OR5J2: variants seen among roughly 807,000 people sequenced by gnomAD.
The protein encoded by OR5J2 is olfactory receptor family 5 subfamily J member 2, also known as olfactory receptor 5J2.
OR5J2 carries 4 observed loss-of-function variants against 6.7 expected under a neutral mutation model. The observed-to-expected ratio is 0.60, with a 90% CI of 0.29 to 1.37. The LOEUF is 1.37. OR5J2 is among the 40% of genes most tolerant of loss of function. OR5J2 has a pLI of 0.09. For missense variants in OR5J2, 415 were observed against 366.4 expected (o/e 1.13, Z -1.08); for synonymous variants, 174 against 140.4 (o/e 1.24, Z -1.69).
In OR5J2 at chr11:56,177,034, A is replaced by C. The variant is rs1852544749; in HGVS notation, c.417A>C (p.Arg139Ser). 6.2e-7 allele frequency: 1 copy of C among 1,613,980 alleles called. No homozygotes were observed. The change falls in exon 1 of 1, where the codon AGA becomes AGC. Residue 139 changes from arginine (R) to serine (S), a missense_variant. Transcript: ENST00000312298. ...TTTACACTGTAGCCATGTCTGATAGAAAGTGTGTGGAGCTTGTCACAGGAT... is the reference window on the plus strand; with the variant it reads ...TTTACACTGTAGCCATGTCTGATAGCAAGTGTGTGGAGCTTGTCACAGGAT... The part of the protein sequence containing the change: ...PLLYTVAMSD[R>S]KCVELVTGSW...
chr11:56,176,913 T>G lies in OR5J2; in HGVS notation c.296T>G (p.Val99Gly). ...KATISFSACM[V>G]QHLCFGVFIT... is the part of the protein sequence containing the mutation. ...ACAATTTCTTTCTCTGCTTGCATGG[T>G]ACAGCATTTGTGTTTCGGAGTGTTC... Residue 99 changes from valine to glycine, a missense_variant, in exon 1 of 1, where the codon GTA becomes GGA. By Grantham distance (109) the Val-to-Gly change is moderately radical. Coordinates refer to ENST00000312298, the MANE Select transcript of OR5J2 (RefSeq NM_001005492.1). The G allele has an allele frequency of 6.2e-7, 1 of 1,614,160 alleles. No homozygotes were observed.
At position 56,177,014 on chromosome 11, in the gene OR5J2, A is replaced by G; in HGVS notation, c.397A>G (p.Thr133Ala). The change falls in exon 1 of 1, where the codon ACT (threonine) becomes GCT (alanine). Residue 133 changes from threonine to alanine, a missense_variant. Physicochemically the swap from Thr to Ala is moderately conservative, Grantham distance 58. Transcript: ENST00000312298. ...GGCCATTGTGAGTCCCTTGCTTTAC[A>G]CTGTAGCCATGTCTGATAGAAAGTG... is the stretch of plus-strand genomic sequence containing the variant. Reference protein sequence around the residue: ...YVAIVSPLLYTVAMSDRKCVE... With the variant: ...YVAIVSPLLYAVAMSDRKCVE... 6.2e-7 allele frequency: 1 copy of G among 1,614,036 alleles called. No individual in the cohort carries two copies.
In OR5J2 at chr11:56,177,450, A is replaced by G. The variant is rs370730952; in HGVS notation, c.833A>G (p.Tyr278Cys). The change falls in exon 1 of 1, where the codon TAT becomes TGT. Residue 278 changes from tyrosine (Y) to cysteine (C), a missense_variant. Coordinates refer to ENST00000312298, the MANE Select transcript of OR5J2 (RefSeq NM_001005492.1). ...CAAGAGAAAGTGGTTTCTATGTTCT[A>G]TACGCTAGGGATTCCCATGTTAAAC... ...VEQEKVVSMFYTLGIPMLNLL... is the reference protein window; with the variant it reads ...VEQEKVVSMFCTLGIPMLNLL... The G allele has an allele frequency of 1.4e-5, 22 of 1,613,762 alleles. No homozygotes were observed. Among genetic ancestry groups the G allele is most frequent in the Non-Finnish European group, 1.7e-5 (20 of 1,179,894 alleles).
Position 56,177,306 on chromosome 11 carries a change from C to T in OR5J2, c.689C>T (p.Ser230Leu). The change falls in exon 1 of 1, where the codon TCA becomes TTA. Residue 230 changes from serine (S) to leucine (L), a missense_variant. Coordinates refer to ENST00000312298, the MANE Select transcript of OR5J2 (RefSeq NM_001005492.1). ...GCTTTTGCTAGCCTAAGGATCCACT[C>T]AGCATCAGGCAGACAGCAAGCCTTC... is the stretch of plus-strand genomic sequence containing the variant. ...FIAFASLRIH[S>L]ASGRQQAFST... The T allele has an allele frequency of 6.2e-7, 1 of 1,613,934 alleles. No homozygotes were observed. The highest frequency in any genetic ancestry group is 8.5e-7 in the Non-Finnish European group (1 of 1,179,876).
In OR5J2 at chr11:56,177,464, C is replaced by T. The variant is rs1852555145; in HGVS notation, c.847C>T (p.Pro283Ser). 6.2e-7 allele frequency: 1 copy of T among 1,613,358 alleles called. No individual in the cohort carries two copies. The highest frequency in any genetic ancestry group is 1.7e-5 in the Admixed American group (1 of 59,974). Reference sequence around the variant, plus strand: ...TTCTATGTTCTATACGCTAGGGATTCCCATGTTAAACCTGTTGATACACAG... The same window carrying T: ...TTCTATGTTCTATACGCTAGGGATTTCCATGTTAAACCTGTTGATACACAG... The part of the protein sequence containing the change: ...VVSMFYTLGI[P>S]MLNLLIHSLR... Residue 283 changes from proline (P) to serine (S), a missense_variant, in exon 1 of 1, where the codon CCC (proline) becomes TCC (serine). Coordinates refer to ENST00000312298, the MANE Select transcript of OR5J2 (RefSeq NM_001005492.1).
Position 56,177,540 on chromosome 11 carries a change from A to G in OR5J2, c.923A>G (p.Lys308Arg), listed in dbSNP as rs1199576999. 2.5e-6 allele frequency: 4 copies of G among 1,592,502 alleles called. No individual in the cohort carries two copies. The African/African-American group carries it at 5.4e-5, about 21-fold the overall frequency. ...KEAVKRAIEM[K>R]HFLC The stretch of plus-strand genomic sequence containing the variant: ...GCAGTGAAAAGGGCCATAGAAATGA[A>G]ACATTTCCTCTGTTAATTTCAAGTC... Residue 308 changes from lysine (K) to arginine (R), a missense_variant, in exon 1 of 1, where the codon AAA (lysine) becomes AGA (arginine). Coordinates refer to ENST00000312298, the MANE Select transcript of OR5J2 (RefSeq NM_001005492.1).
Position 56,177,224 on chromosome 11 carries a change from T to A in OR5J2, c.607T>A (p.Ser203Thr). The stretch of plus-strand genomic sequence containing the variant: ...GAATGAGTTGTTGCTGTTAACCTTC[T>A]CCGGAGTCATTGCCATGGCCACCTT... ...SMNELLLLTF[S>T]GVIAMATFLT... The change falls in exon 1 of 1, where the codon TCC (serine) becomes ACC (threonine). Residue 203 changes from serine (S) to threonine (T), a missense_variant. Transcript: ENST00000312298. 1 of 1,613,998 alleles carries A rather than the reference T, an allele frequency of 6.2e-7. No homozygotes were observed. Among genetic ancestry groups the A allele is most frequent in the Non-Finnish European group, 8.5e-7 (1 of 1,179,902 alleles).
Position 56,177,255 on chromosome 11 carries a change from CTG to C in OR5J2, c.641_642del (p.Val214AspfsTer11). The stretch of plus-strand genomic sequence containing the variant: ...GTCATTGCCATGGCCACCTTCTTGA[CTG>C]TGATCATTTCCTACATCTTCATTGC... On this transcript the variant is annotated frameshift_variant, in exon 1 of 1. Coordinates refer to ENST00000312298, the MANE Select transcript of OR5J2 (RefSeq NM_001005492.1). LOFTEE classifies it high-confidence loss of function. 2 of 1,614,090 alleles carry C rather than the reference CTG, an allele frequency of 1.2e-6. No homozygotes were observed.
Position 56,176,950 on chromosome 11 carries a change from A to G in OR5J2, c.333A>G (p.Glu111=), listed in dbSNP as rs764988902. ...HLCFGVFITT[E]GFLLSVMAYD... ...GTTTCGGAGTGTTCATCACCACAGA[A>G]GGCTTCTTACTGTCAGTGATGGCCT... is the stretch of plus-strand genomic sequence containing the variant. The change falls in exon 1 of 1, where the codon GAA becomes GAG. Residue 111 remains glutamate (E), a synonymous_variant. Coordinates refer to ENST00000312298, the MANE Select transcript of OR5J2 (RefSeq NM_001005492.1). 1.9e-6 allele frequency: 3 copies of G among 1,614,074 alleles called. No individual in the cohort carries two copies. Among genetic ancestry groups the G allele is most frequent in the Non-Finnish European group, 2.5e-6 (3 of 1,179,958 alleles).
In OR5J2 at chr11:56,177,535, A is replaced by C; in HGVS notation, c.918A>C (p.Glu306Asp). The change falls in exon 1 of 1, where the codon GAA (glutamate) becomes GAC (aspartate). Residue 306 changes from glutamate (E) to aspartate (D), a missense_variant. Physicochemically the swap from Glu to Asp is conservative, Grantham distance 45 (BLOSUM62 2). Coordinates refer to ENST00000312298, the MANE Select transcript of OR5J2 (RefSeq NM_001005492.1). ...DVKEAVKRAI[E>D]MKHFLC The stretch of plus-strand genomic sequence containing the variant: ...AGGAGGCAGTGAAAAGGGCCATAGA[A>C]ATGAAACATTTCCTCTGTTAATTTC... 1 of 1,597,228 alleles carries C rather than the reference A, an allele frequency of 6.3e-7. No individual in the cohort carries two copies. The highest frequency in any genetic ancestry group is 8.5e-7 in the Non-Finnish European group (1 of 1,175,578).
rs1192686738 is a variant in OR5J2, at chr11:56,176,848, T to G, written c.231T>G (p.Ile77Met). The G allele has an allele frequency of 5.6e-6, 9 of 1,614,090 alleles. No individual in the cohort carries two copies. Among genetic ancestry groups the G allele is most frequent in the Non-Finnish European group, 7.6e-6 (9 of 1,179,946 alleles). The change falls in exon 1 of 1, where the codon ATT becomes ATG. Residue 77 changes from isoleucine (I) to methionine (M), a missense_variant. Transcript: ENST00000312298. ...SFVDACYSSA[I>M]APKMLVNLLV... is the part of the protein sequence containing the mutation. Reference sequence around the variant, plus strand: ...TGGATGCCTGCTATTCATCTGCAATTGCACCCAAAATGCTGGTGAACCTCC... The same window carrying G: ...TGGATGCCTGCTATTCATCTGCAATGGCACCCAAAATGCTGGTGAACCTCC...
In OR5J2 at chr11:56,177,281, G is replaced by A. The variant is rs1288418443; in HGVS notation, c.664G>A (p.Ala222Thr). ...TGTGATCATTTCCTACATCTTCATT[G>A]CTTTTGCTAGCCTAAGGATCCACTC... ...LTVIISYIFIAFASLRIHSAS... is the reference protein window; with the variant it reads ...LTVIISYIFITFASLRIHSAS... Residue 222 changes from alanine (A) to threonine (T), a missense_variant, in exon 1 of 1, where the codon GCT (alanine) becomes ACT (threonine). Ala to Thr is a moderately conservative substitution (Grantham distance 58). Transcript: ENST00000312298. The A allele has an allele frequency of 6.2e-7, 1 of 1,613,938 alleles. No homozygotes were observed. Among genetic ancestry groups the A allele is most frequent in the Admixed American group, 1.7e-5 (1 of 59,976 alleles).
At position 56,177,491 on chromosome 11, in the gene OR5J2, T is replaced by C; in HGVS notation, c.874T>C (p.Leu292=). The part of the protein sequence containing the change: ...IPMLNLLIHS[L]RNKDVKEAVK... ...CATGTTAAACCTGTTGATACACAGT[T>C]TGAGAAACAAGGACGTAAAGGAGGC... is the stretch of plus-strand genomic sequence containing the variant. Residue 292 remains leucine (L), a synonymous_variant, in exon 1 of 1, where the codon TTG becomes CTG. Transcript: ENST00000312298. The C allele has an allele frequency of 6.2e-7, 1 of 1,612,314 alleles. No homozygotes were observed. The highest frequency in any genetic ancestry group is 1.1e-5 in the South Asian group (1 of 91,082).
At position 56,176,832 on chromosome 11, in the gene OR5J2, G is replaced by A. The variant is rs763434236; in HGVS notation, c.215G>A (p.Cys72Tyr). 13 of 1,613,860 alleles carry A rather than the reference G, an allele frequency of 8.1e-6. No individual in the cohort carries two copies. Among genetic ancestry groups the A allele is most frequent in the Non-Finnish European group, 1.1e-5 (13 of 1,179,904 alleles). ...AGCTGTCTTTCATTTGTGGATGCCT[G>A]CTATTCATCTGCAATTGCACCCAAA... ...LLSCLSFVDA[C>Y]YSSAIAPKML... The change falls in exon 1 of 1, where the codon TGC becomes TAC. Residue 72 changes from cysteine to tyrosine, a missense_variant. Coordinates refer to ENST00000312298, the MANE Select transcript of OR5J2 (RefSeq NM_001005492.1).
rs752211231 is a variant in OR5J2, at chr11:56,177,124, T to C, written c.507T>C (p.Cys169=). 1.2e-6 allele frequency: 2 copies of C among 1,614,138 alleles called. No individual in the cohort carries two copies. Among genetic ancestry groups the C allele is most frequent in the East Asian group, 2.2e-5 (1 of 44,878 alleles). Residue 169 remains cysteine (C), a synonymous_variant, in exon 1 of 1, where the codon TGT becomes TGC. Coordinates refer to ENST00000312298, the MANE Select transcript of OR5J2 (RefSeq NM_001005492.1). ...TCAGCTTGAGGAGACTGTCCTTTTG[T>C]AGGCTAAATGCTGTCAGCCACTTCT... ...HTISLRRLSF[C]RLNAVSHFFC... is the part of the protein sequence containing the mutation.
chr11:56,176,657 C>T lies in OR5J2; in HGVS notation c.40C>T (p.Leu14Phe), dbSNP rs1393952421. The T allele has an allele frequency of 6.2e-7, 1 of 1,612,866 alleles. No homozygotes were observed. The highest frequency in any genetic ancestry group is 2.2e-5 in the East Asian group (1 of 44,862). Reference sequence around the variant, plus strand: ...TTTTACAGTTGTCACTGAGTTTATTCTTTTGGGATTGACAGATCATGCTGA... The same window carrying T: ...TTTTACAGTTGTCACTGAGTTTATTTTTTTGGGATTGACAGATCATGCTGA... ...DNFTVVTEFI[L>F]LGLTDHAELK... Residue 14 changes from leucine to phenylalanine, a missense_variant, in exon 1 of 1, where the codon CTT (leucine) becomes TTT (phenylalanine). Physicochemically the swap from Leu to Phe is conservative, Grantham distance 22 (BLOSUM62 0). Coordinates refer to ENST00000312298, the MANE Select transcript of OR5J2 (RefSeq NM_001005492.1).
rs758788165 is a variant in OR5J2 at position 56,177,162 on chromosome 11, C to T, written c.545C>T (p.Pro182Leu). 9.9e-6 allele frequency: 16 copies of T among 1,614,016 alleles called. No individual in the cohort carries two copies. The highest frequency in any genetic ancestry group is 1.3e-5 in the Non-Finnish European group (15 of 1,179,990). ...NAVSHFFCDI[P>L]SLLKLSCSDT... Reference sequence around the variant, plus strand: ...GTCAGCCACTTCTTCTGTGACATTCCTTCACTGCTAAAGCTGTCATGTTCT... The same window carrying T: ...GTCAGCCACTTCTTCTGTGACATTCTTTCACTGCTAAAGCTGTCATGTTCT... Residue 182 changes from proline to leucine, a missense_variant, in exon 1 of 1, where the codon CCT becomes CTT. Pro to Leu is a moderately conservative substitution (Grantham distance 98). Coordinates refer to ENST00000312298, the MANE Select transcript of OR5J2 (RefSeq NM_001005492.1).
rs1852543914 is a variant in OR5J2 at position 56,176,988 on chromosome 11, T to A, written c.371T>A (p.Val124Glu). The A allele has an allele frequency of 6.2e-7, 1 of 1,613,886 alleles. No individual in the cohort carries two copies. Among genetic ancestry groups the A allele is most frequent in the African/African-American group, 1.3e-5 (1 of 74,918 alleles). Residue 124 changes from valine (V) to glutamate (E), a missense_variant, in exon 1 of 1, where the codon GTG (valine) becomes GAG (glutamate). Val to Glu is a moderately radical substitution (Grantham distance 121). Coordinates refer to ENST00000312298, the MANE Select transcript of OR5J2 (RefSeq NM_001005492.1). Reference sequence around the variant, plus strand: ...TCAGTGATGGCCTATGACCGCTATGTGGCCATTGTGAGTCCCTTGCTTTAC... The same window carrying A: ...TCAGTGATGGCCTATGACCGCTATGAGGCCATTGTGAGTCCCTTGCTTTAC... ...LLSVMAYDRY[V>E]AIVSPLLYTV...
chr11:56,176,963 T>G lies in OR5J2; in HGVS notation c.346T>G (p.Ser116Ala), dbSNP rs2134710605. Residue 116 changes from serine to alanine, a missense_variant, in exon 1 of 1, where the codon TCA (serine) becomes GCA (alanine). Transcript: ENST00000312298. ...CATCACCACAGAAGGCTTCTTACTG[T>G]CAGTGATGGCCTATGACCGCTATGT... ...VFITTEGFLLSVMAYDRYVAI... is the reference protein window; with the variant it reads ...VFITTEGFLLAVMAYDRYVAI... The G allele has an allele frequency of 6.2e-7, 1 of 1,614,008 alleles. No homozygotes were observed.
Sources: allele counts gnomAD v4.1 joint callset, GRCh38; gene constraint gnomAD v4.1.1; transcripts MANE v1.5; gene names NCBI Gene and HGNC (gene_info 2026-07-23, HGNC 2026-07-21).